ENPP3: variants seen among roughly 807,000 people sequenced by gnomAD.
The protein encoded by ENPP3 is ectonucleotide pyrophosphatase/phosphodiesterase 3, also known as ectonucleotide pyrophosphatase/phosphodiesterase family member 3.
ENPP3 carries 104 observed loss-of-function variants against 117.8 expected under a neutral mutation model. The observed-to-expected ratio is 0.88, with a 90% CI of 0.75 to 1.04. The LOEUF is 1.04. Among genes scored for constraint, ENPP3 ranks in the 50% least tolerant of loss-of-function variants. The pLI is 0.00. For missense variants in ENPP3, 1,026 were observed against 1,051.9 expected, an observed-to-expected ratio of 0.98 and a Z score of 0.34; for synonymous variants, 380 against 349.9, an observed-to-expected ratio of 1.09 and a Z score of -0.96.
intron 6 of ENPP3, among the ~76,000 whole-genome samples, chr6:131,661,049 G>C (rs1299798114): frequency 6.6e-6 from 1 of 152,120 alleles, no homozygotes; most frequent in East Asian, 1.9e-4. Context: ...GTTATCACAT[G>C]TTGCAAGATT....
At chr6:131,693,881 C>CAG (rs752304463) in intron 15 of ENPP3, among the ~76,000 whole-genome samples, 1 of 152,010 alleles carries the variant, frequency 6.6e-6, no homozygotes, top group Non-Finnish European at 1.5e-5. Flanking sequence ...CTGTAAGTGC[C>CAG]AGCACCTTCC....
rs1391101826 is a variant in ENPP3 at position 131,746,773 on chromosome 6, T to C, written c.2458-13T>C. 1.3e-6 allele frequency: 2 copies of C among 1,588,070 alleles called. No homozygotes were observed. The highest frequency in any genetic ancestry group is 1.7e-6 in the Non-Finnish European group (2 of 1,171,966). ...CCTTGTGAAAAAAAAAGTGTTGTGC[T>C]TTTCTTTTTCAGGAAGGTAAACCAG... is the stretch of plus-strand genomic sequence containing the variant. On this transcript the variant is annotated splice_polypyrimidine_tract_variant and intron_variant, in intron 24 of 24. Transcript: ENST00000357639.
intron 2 of ENPP3, among the ~76,000 whole-genome samples, chr6:131,646,504 C>G (rs1778156127): frequency 6.6e-6 from 1 of 152,056 alleles, no homozygotes; most frequent in Non-Finnish European, 1.5e-5. Flanking sequence ...TCTGTTGTCT[C>G]TGTGATGAAA....
At chr6:131,650,230 T>C in intron 3 of ENPP3, 81 bp downstream of exon 3, 1 of 1,430,602 alleles carries the variant, frequency 7.0e-7, no homozygotes, top group Non-Finnish European at 9.7e-7. Context: ...TTTTCTTTCC[T>C]TTTTTTTGAG....
chr6:131,738,756 A>G (rs1438286833), intron 23 of ENPP3, among the ~76,000 whole-genome samples: 1 of 152,190 alleles, frequency 6.6e-6, no homozygotes, highest in Non-Finnish European at 1.5e-5. Context: ...GAGAAGTTTC[A>G]TCTACCATTT....
intron 11 of ENPP3, among the ~76,000 whole-genome samples, chr6:131,680,772 A>G (rs1394447279): frequency 1.3e-5 from 2 of 152,188 alleles, no homozygotes; most frequent in Non-Finnish European, 2.9e-5. Context: ...AAGCTACTCA[A>G]TTGTTGCCCA....
At chr6:131,719,715 TAA>T (rs1366023759) in intron 16 of ENPP3, among the ~76,000 whole-genome samples, 2 of 152,162 alleles carry the variant, frequency 1.3e-5, no homozygotes, top group Admixed American at 6.5e-5. Context: ...TCTAATTGTT[TAA>T]GTCTAAAATA....
Position 131,647,138 on chromosome 6 carries a change from T to C in ENPP3, c.155-2889T>C, listed in dbSNP as rs1778169821. Among the ~76,000 whole-genome samples, 8 of 152,106 alleles carry C rather than the reference T, an allele frequency of 5.3e-5. No individual in the cohort carries two copies. In the South Asian group the frequency reaches 1.7e-3, roughly 31 times the overall value. On this transcript the variant is annotated intron_variant, in intron 2 of 24. Transcript: ENST00000357639. The stretch of plus-strand genomic sequence containing the variant: ...ATCTGCCTGCCTCGGCCTCCCAAAG[T>C]GCTGGGATTATAGGCATGAGCCACT...
Position 131,652,551 on chromosome 6 carries a change from G to T in ENPP3, c.287G>T (p.Trp96Leu), listed in dbSNP as rs150884645. 2.5e-6 allele frequency: 4 copies of T among 1,613,994 alleles called. No homozygotes were observed. The highest frequency in any genetic ancestry group is 2.7e-5 in the African/African-American group (2 of 75,038). The change falls in exon 4 of 25, where the codon TGG becomes TTG. Residue 96 changes from tryptophan to leucine, a missense_variant. Coordinates refer to ENST00000357639, the MANE Select transcript of ENPP3 (RefSeq NM_005021.5). ...TTGTATCGTTTTACAGCTCGAATAT[G>T]GATGTGCAATAAATTTCGTTGTGGA... ...EDTCVESTRI[W>L]MCNKFRCGET...
intron 11 of ENPP3, among the ~76,000 whole-genome samples, chr6:131,680,528 G>A (rs1478548535): frequency 6.6e-6 from 1 of 152,120 alleles, no homozygotes; most frequent in Non-Finnish European, 1.5e-5. Context: ...GATGGCCTAA[G>A]GAGAAAGCAA....
At chr6:131,661,316 A>G (rs1690008621) in intron 6 of ENPP3, among the ~76,000 whole-genome samples, 1 of 152,092 alleles carries the variant, frequency 6.6e-6, no homozygotes, top group Non-Finnish European at 1.5e-5. Context: ...CATAGCAGCT[A>G]TGCCGTTTTG....
chr6:131,671,058 C>A (rs370519977), intron 6 of ENPP3, among the ~76,000 whole-genome samples, 190 bp from the exon 7 acceptor site: 61 of 152,288 alleles, frequency 4.0e-4, no homozygotes, highest in African/African-American at 1.2e-3. Context: ...TAGCTCACTC[C>A]TCTCCTAAAA....
intron 8 of ENPP3, among the ~76,000 whole-genome samples, chr6:131,674,624 G>C (rs1445737789): frequency 6.6e-6 from 1 of 150,962 alleles, no homozygotes; most frequent in Non-Finnish European, 1.5e-5. Context: ...CCAGGCTGGA[G>C]TGCAGTGGTG....
intron 8 of ENPP3, 97 bp downstream of exon 8, chr6:131,674,378 C>G (rs1394258607): frequency 8.2e-7 from 1 of 1,212,416 alleles, no homozygotes; most frequent in East Asian, 2.3e-5. Context: ...TTCTATGTCA[C>G]CCATCTAGTT....
At chr6:131,641,799 GTTTTTTTTTTTT>G (rs540011427) in intron 2 of ENPP3, among the ~76,000 whole-genome samples, 14 of 64,062 alleles carry the variant, frequency 2.2e-4, no homozygotes, top group African/African-American at 9.6e-4. Context: ...CTCCACCCTG[GTTTTTTTTTTTT>G]TTTTTTTTTT....
chr6:131,721,104 A>T (rs2114528648), intron 17 of ENPP3, among the ~76,000 whole-genome samples: 1 of 152,338 alleles, frequency 6.6e-6, no homozygotes, highest in South Asian at 2.1e-4. Context: ...ACTTGTTATT[A>T]TACTCAATGT....
intron 9 of ENPP3, among the ~76,000 whole-genome samples, chr6:131,676,032 C>A (rs1021091372): frequency 6.6e-6 from 1 of 152,106 alleles, no homozygotes; most frequent in African/African-American, 2.4e-5. Flanking sequence ...TCACTCTGAA[C>A]TCGTTGGTGG....
intron 15 of ENPP3, among the ~76,000 whole-genome samples, chr6:131,711,375 A>G (rs1388527033): frequency 7.2e-6 from 1 of 138,660 alleles, no homozygotes; most frequent in Non-Finnish European, 1.5e-5. Context: ...ACCTTTGATC[A>G]TTACATAATC....
chr6:131,697,741 C>G (rs767582375), intron 15 of ENPP3, among the ~76,000 whole-genome samples: 1 of 152,076 alleles, frequency 6.6e-6, no homozygotes, highest in Non-Finnish European at 1.5e-5. Context: ...TGACAGGAGG[C>G]GGAGCTCAGG....
Sources: allele counts gnomAD v4.1 joint callset (sites outside exome capture counted in the v4.1 genomes callset), GRCh38; gene constraint gnomAD v4.1.1; transcripts MANE v1.5; gene names NCBI Gene and HGNC (gene_info 2026-07-23, HGNC 2026-07-21).